The following CRY1 variants were observed in gnomAD, a reference collection of about 807,000 sequenced individuals.
CRY1 encodes cryptochrome circadian regulator 1.
CRY1 carries 45 observed loss-of-function variants against 76.0 expected under a neutral mutation model. The observed-to-expected ratio is 0.59, with a 90% CI of 0.47 to 0.76. The LOEUF is 0.76. CRY1 is among the 30% of genes least tolerant of loss of function. The probability of loss-of-function intolerance (pLI) is 0.00; values close to 1 mark genes in which losing one functional copy is unlikely to be tolerated. For missense variants in CRY1, 587 were observed against 716.4 expected (o/e 0.82, Z 2.06); for synonymous variants, 248 against 244.0 (o/e 1.02, Z -0.15).
At chr12:107,001,728 C>A in intron 4 of CRY1, 36 bp downstream of exon 4, 1 of 1,464,652 alleles carries the variant, frequency 6.8e-7, no homozygotes, top group Non-Finnish European at 9.0e-7. Context: ...GATTTATTAA[C>A]TTGCAAGCCT....
chr12:107,067,815 A>G (rs1953130489), intron 1 of CRY1, among the ~76,000 whole-genome samples: 1 of 152,172 alleles, frequency 6.6e-6, no homozygotes, highest in Non-Finnish European at 1.5e-5. Flanking sequence ...ATGATAATTT[A>G]TAGGTTTCCT....
intron 5 of CRY1, 107 bp downstream of exon 5, chr12:107,001,173 T>TA: frequency 1.3e-6 from 1 of 779,828 alleles, no homozygotes; most frequent in South Asian, 1.9e-5. Flanking sequence ...TTTCTGTTAA[T>TA]CCTCCCCTTT....
intron 2 of CRY1, among the ~76,000 whole-genome samples, chr12:107,009,171 T>C (rs887249312): frequency 1.3e-5 from 2 of 152,190 alleles, no homozygotes; most frequent in Non-Finnish European, 2.9e-5. Flanking sequence ...CAGTAGGTTA[T>C]ATTAATTGAT....
At chr12:107,039,093 C>G (rs1952768759) in intron 1 of CRY1, among the ~76,000 whole-genome samples, 1 of 152,052 alleles carries the variant, frequency 6.6e-6, no homozygotes, top group African/African-American at 2.4e-5. Context: ...CCATTGTACT[C>G]CAGCCTGGGC....
chr12:107,092,130 G>C lies in CRY1; in HGVS notation c.158+674C>G, dbSNP rs538586710. Among the ~76,000 whole-genome samples the C allele has an allele frequency of 4.7e-4, 72 of 152,242 alleles. No homozygotes were observed. The South Asian group carries it at 7.3e-3, about 15-fold the overall frequency. On this transcript the variant is annotated intron_variant, in intron 1 of 12. Coordinates refer to ENST00000008527, the MANE Select transcript of CRY1 (RefSeq NM_004075.5). Reference sequence around the variant, plus strand: ...TTGAGCTATGCTTTTATTTCCACCAGGGGGCCTAACAATCATGTAGCCTGG... The same window carrying C: ...TTGAGCTATGCTTTTATTTCCACCACGGGGCCTAACAATCATGTAGCCTGG...
At chr12:107,040,749 C>G (rs1380067186) in intron 1 of CRY1, among the ~76,000 whole-genome samples, 1 of 151,824 alleles carries the variant, frequency 6.6e-6, no homozygotes, top group Non-Finnish European at 1.5e-5. Flanking sequence ...AACAATCAAA[C>G]CAAAATTTTA....
At chr12:107,036,833 T>C (rs1952738362) in intron 1 of CRY1, among the ~76,000 whole-genome samples, 1 of 152,100 alleles carries the variant, frequency 6.6e-6, no homozygotes, top group Non-Finnish European at 1.5e-5. Context: ...ATTCCTCTCT[T>C]TCTTTAGGTC....
chr12:107,067,448 T>C (rs1394563682), intron 1 of CRY1, among the ~76,000 whole-genome samples: 3 of 152,172 alleles, frequency 2.0e-5, no homozygotes, highest in African/African-American at 7.2e-5. Context: ...ATGTTGTCTT[T>C]AGATGCTGAC....
intron 3 of CRY1, among the ~76,000 whole-genome samples, chr12:107,003,298 T>G (rs773305780): frequency 2.0e-4 from 31 of 152,186 alleles, no homozygotes; most frequent in Non-Finnish European, 2.6e-4. Context: ...AAAGATTAAG[T>G]TTAGACACTC....
chr12:106,998,433 A>T (rs1260595416), intron 7 of CRY1, among the ~76,000 whole-genome samples: 1 of 152,216 alleles, frequency 6.6e-6, no homozygotes, highest in Non-Finnish European at 1.5e-5. Flanking sequence ...AAATGCTATT[A>T]CATAAAACAC....
intron 3 of CRY1, among the ~76,000 whole-genome samples, chr12:107,002,696 C>T (rs932968474): frequency 1.3e-5 from 2 of 152,202 alleles, no homozygotes; most frequent in African/African-American, 4.8e-5. Context: ...TGTGCCCCCA[C>T]CAAAATCTCA....
Position 107,022,117 on chromosome 12 carries a change from T to C in CRY1, c.234A>G (p.Gly78=). ...KLNSRLFVIR[G]QPADVFPRLF... ...GCCTGGGAAACACATCTGCTGGTTG[T>C]CCACGAATCACAAACAGACGGGAGT... The change falls in exon 2 of 13, where the codon GGA becomes GGG. Residue 78 remains glycine (G), a synonymous_variant. Transcript: ENST00000008527. 1 of 1,605,402 alleles carries C rather than the reference T, an allele frequency of 6.2e-7. No individual in the cohort carries two copies. The highest frequency in any genetic ancestry group is 1.3e-5 in the African/African-American group (1 of 74,800).
chr12:107,069,526 T>TTA (rs1446968309), intron 1 of CRY1, among the ~76,000 whole-genome samples: 14 of 143,572 alleles, frequency 9.8e-5, no homozygotes, highest in African/African-American at 3.1e-4. Context: ...CCATTGTTTG[T>TTA]TATATATATA....
At chr12:106,992,246 T>A (rs1472120393) in intron 12 of CRY1, 1 of 152,074 alleles carries the variant, frequency 6.6e-6, no homozygotes, top group Non-Finnish European at 1.5e-5. Flanking sequence ...CAAAATGACA[T>A]CCCAAATCCA....
In CRY1 at chr12:106,997,528, C is replaced by T; in HGVS notation, c.1452G>A (p.Met484Ile). 6.2e-7 allele frequency: 1 copy of T among 1,614,084 alleles called. No homozygotes were observed. The highest frequency in any genetic ancestry group is 8.5e-7 in the Non-Finnish European group (1 of 1,179,998). ...GTGAAAGCTGCTGATAGATCTGTTT[C>T]ATCCTTTCGATATTCAAACGGCTTG... Reference protein sequence around the residue: ...AEASRLNIERMKQIYQQLSRY... With the variant: ...AEASRLNIERIKQIYQQLSRY... The change falls in exon 9 of 13, where the codon ATG becomes ATA. Residue 484 changes from methionine to isoleucine, a missense_variant. Transcript: ENST00000008527.
intron 7 of CRY1, 100 bp from the exon 8 acceptor site, chr12:106,998,166 T>C: frequency 1.5e-6 from 2 of 1,325,574 alleles, no homozygotes; most frequent in South Asian, 1.4e-5. Context: ...AAAGAAAATC[T>C]AGCACAGAAT....
intron 1 of CRY1, among the ~76,000 whole-genome samples, chr12:107,030,179 A>C (rs1446545548): frequency 1.3e-5 from 2 of 152,202 alleles, no homozygotes; most frequent in African/African-American, 4.8e-5. Flanking sequence ...TAAAGGCTTG[A>C]TTCAACAGTC....
chr12:107,049,516 AG>A (rs1952892179), intron 1 of CRY1, among the ~76,000 whole-genome samples: 1 of 152,080 alleles, frequency 6.6e-6, no homozygotes, highest in Non-Finnish European at 1.5e-5. Flanking sequence ...CTGGGACTAC[AG>A]GCACGTGCCA....
intron 2 of CRY1, among the ~76,000 whole-genome samples, chr12:107,019,203 A>T (rs908227745): frequency 6.6e-6 from 1 of 151,970 alleles, no homozygotes; most frequent in African/African-American, 2.4e-5. Context: ...TTTTAATTGT[A>T]TATCCTTTTA....
Sources: gnomAD v4.1 joint callset for allele counts (sites outside exome capture counted in the v4.1 genomes callset) on GRCh38, gnomAD v4.1.1 for gene constraint, MANE v1.5 for transcripts, NCBI Gene and HGNC (gene_info 2026-07-23, HGNC 2026-07-21) for gene names.